The following FRMD3 variants were observed in gnomAD, a reference collection of about 807,000 sequenced individuals.
The protein encoded by FRMD3 is FERM domain containing 3.
FRMD3 carries 33 observed loss-of-function variants against 70.2 expected under a neutral mutation model. The observed-to-expected ratio is 0.47, with a 90% CI of 0.36 to 0.63. FRMD3 has a LOEUF of 0.63. Among genes scored for constraint, FRMD3 ranks in the 20% least tolerant of loss-of-function variants. The probability of loss-of-function intolerance (pLI) is 0.00; values close to 1 mark genes in which losing one functional copy is unlikely to be tolerated. For missense variants in FRMD3, 632 were observed against 711.4 expected (o/e 0.89, Z 1.27); for synonymous variants, 279 against 255.9 (o/e 1.09, Z -0.86).
intron 13 of FRMD3, among the ~76,000 whole-genome samples, chr9:83,267,999 A>T (rs968389199): frequency 1.8e-4 from 27 of 152,210 alleles, no homozygotes; most frequent in African/African-American, 6.5e-4. Context: ...AGAGAGAGTA[A>T]CTGACCTGAC....
chr9:83,499,033 T>C (rs974959651), intron 1 of FRMD3, among the ~76,000 whole-genome samples: 2 of 152,164 alleles, frequency 1.3e-5, no homozygotes, highest in African/African-American at 4.8e-5. Context: ...TTGGGTTTTG[T>C]CACCAAGATG....
At chr9:83,411,070 C>T (rs1826265283) in intron 1 of FRMD3, among the ~76,000 whole-genome samples, 1 of 152,166 alleles carries the variant, frequency 6.6e-6, no homozygotes, top group Non-Finnish European at 1.5e-5. Flanking sequence ...GAGCGAAGAT[C>T]CTCATCTCTC....
chr9:83,538,434 G>C (rs1439972335), upstream of FRMD3: 1 of 387,410 alleles, frequency 2.6e-6, no homozygotes, highest in African/African-American at 2.1e-5. The surrounding 1 kb of genome is among the most constrained non-coding windows in gnomAD (Gnocchi z 4.7). Flanking sequence ...GCTCGCCTCC[G>C]CCTCGCCCCC....
chr9:83,405,730 C>A (rs1488401847), intron 1 of FRMD3, among the ~76,000 whole-genome samples: 1 of 151,478 alleles, frequency 6.6e-6, no homozygotes, highest in African/African-American at 2.4e-5. Flanking sequence ...CCATTGCACT[C>A]CAGCCTCGGC....
chr9:83,514,205 T>C (rs1160653928), intron 1 of FRMD3, among the ~76,000 whole-genome samples: 1 of 152,168 alleles, frequency 6.6e-6, no homozygotes, highest in Non-Finnish European at 1.5e-5. Flanking sequence ...CAAGCTAAGA[T>C]CTACTGGCTT....
chr9:83,547,808 A>G, the FRMD3 span, among the ~76,000 whole-genome samples: 17 of 152,216 alleles, frequency 1.1e-4, no homozygotes, highest in Admixed American at 2.6e-4. Context: ...AAGTCACAAT[A>G]AATTTTTAAA....
intron 10 of FRMD3, among the ~76,000 whole-genome samples, chr9:83,301,122 A>G (rs997291582): frequency 1.3e-5 from 2 of 152,142 alleles, no homozygotes; most frequent in Non-Finnish European, 2.9e-5. Context: ...GGACACACAG[A>G]GGCACGTGAG....
At chr9:83,471,879 A>T (rs757106626) in intron 1 of FRMD3, among the ~76,000 whole-genome samples, 2 of 152,228 alleles carry the variant, frequency 1.3e-5, no homozygotes, top group Non-Finnish European at 2.9e-5. Flanking sequence ...TCTGGACTCC[A>T]GCTCTGGGCC....
At chr9:83,392,955 G>T (rs1825707676) in intron 1 of FRMD3, among the ~76,000 whole-genome samples, 1 of 152,214 alleles carries the variant, frequency 6.6e-6, no homozygotes, top group Non-Finnish European at 1.5e-5. Flanking sequence ...ATTCTTCAGA[G>T]CTGTTACCTA....
At chr9:83,476,917 C>T (rs956020769) in intron 1 of FRMD3, among the ~76,000 whole-genome samples, 1 of 152,148 alleles carries the variant, frequency 6.6e-6, no homozygotes, top group Non-Finnish European at 1.5e-5. Context: ...ATTGCCTTTT[C>T]TCCTAGATTT....
At chr9:83,290,755 T>G (rs763682609) in intron 12 of FRMD3, 28 bp from the exon 13 acceptor site, 2 of 1,571,366 alleles carry the variant, frequency 1.3e-6, no homozygotes, top group Non-Finnish European at 1.7e-6. Context: ...CCAGACAGAG[T>G]TGGTTTCCAT....
At chr9:83,464,057 A>G (rs1021189961) in intron 1 of FRMD3, among the ~76,000 whole-genome samples, 4 of 151,586 alleles carry the variant, frequency 2.6e-5, no homozygotes, top group African/African-American at 9.7e-5. Flanking sequence ...AACTGTACAC[A>G]CCCCCTGCAT....
At chr9:83,396,323 A>G (rs902807741) in intron 1 of FRMD3, among the ~76,000 whole-genome samples, 3 of 152,254 alleles carry the variant, frequency 2.0e-5, no homozygotes, top group African/African-American at 7.2e-5. Flanking sequence ...GCAGTTTTAT[A>G]AAATACAAAG....
intron 1 of FRMD3, among the ~76,000 whole-genome samples, chr9:83,493,240 CT>C (rs1828870038): frequency 6.6e-6 from 1 of 152,204 alleles, no homozygotes; most frequent in Admixed American, 6.5e-5. Context: ...TAAACTGACA[CT>C]TTTCAGTAAG....
chr9:83,250,157 A>AG (rs945841265), intron 13 of FRMD3, among the ~76,000 whole-genome samples: 11 of 152,144 alleles, frequency 7.2e-5, no homozygotes, highest in Non-Finnish European at 1.5e-5. Context: ...AAAGCAGAAG[A>AG]GGGGGTGATG....
At chr9:83,479,741 A>AAAGAAATGGAAAGAAAG (rs1828513138) in intron 1 of FRMD3, among the ~76,000 whole-genome samples, 1 of 13,854 alleles carries the variant, frequency 7.2e-5, no homozygotes, top group South Asian at 1.6e-3. Flanking sequence ...GAAAGAAAGA[A>AAAGAAATGGAAAGAAAG]AAAGAAAAGA....
chr9:83,389,104 T>G (rs937159180), intron 2 of FRMD3, among the ~76,000 whole-genome samples: 10 of 152,038 alleles, frequency 6.6e-5, no homozygotes, highest in Admixed American at 6.6e-4. Context: ...CATGCCACCA[T>G]GCCCAGCTAA....
At chr9:83,362,194 T>TCC (rs1203207097) in intron 3 of FRMD3, among the ~76,000 whole-genome samples, 1 of 151,670 alleles carries the variant, frequency 6.6e-6, no homozygotes, top group Non-Finnish European at 1.5e-5. Context: ...TCTCTCTCTC[T>TCC]CTCTCTCTCT....
chr9:83,404,853 C>T (rs1826054332), intron 1 of FRMD3, among the ~76,000 whole-genome samples: 1 of 152,212 alleles, frequency 6.6e-6, no homozygotes, highest in Non-Finnish European at 1.5e-5. Context: ...CTACAAACAA[C>T]AAGCATTGGG....
Sources: gnomAD v4.1 joint callset for allele counts (sites outside exome capture counted in the v4.1 genomes callset) on GRCh38, gnomAD v4.1.1 for gene constraint, Gnocchi (gnomAD v3.1) non-coding constraint, MANE v1.5 for transcripts, NCBI Gene and HGNC (gene_info 2026-07-23, HGNC 2026-07-21) for gene names.